Variants in PRR14L observed in about 807,000 individuals in gnomAD.
The protein encoded by PRR14L is protein PRR14L.
A neutral mutation model predicts 155.0 loss-of-function variants in PRR14L; 80 were observed. The observed-to-expected ratio is 0.52, with a 90% CI of 0.43 to 0.62. The LOEUF (loss-of-function observed/expected upper bound fraction) is 0.62. PRR14L is among the 20% of genes least tolerant of loss of function. The pLI is 0.00. For synonymous variants in PRR14L, 883 were observed against 916.0 expected (o/e 0.96, Z 0.65); for missense variants, 2,469 against 2,548.0 (o/e 0.97, Z 0.67).
intron 7 of PRR14L, among the ~76,000 whole-genome samples, chr22:31,700,429 G>A (rs1297993721): frequency 6.6e-6 from 1 of 152,044 alleles, no homozygotes; most frequent in Non-Finnish European, 1.5e-5. Context: ...AAAATACAAC[G>A]TATTAAGATA....
intron 7 of PRR14L, among the ~76,000 whole-genome samples, chr22:31,690,960 T>C (rs1453823593): frequency 6.9e-6 from 1 of 145,176 alleles, no homozygotes; most frequent in Non-Finnish European, 1.5e-5. Context: ...TTTTTTTTCT[T>C]TTCTATTTCT....
intron 1 of PRR14L, among the ~76,000 whole-genome samples, chr22:31,740,866 G>C (rs984257071): frequency 1.3e-5 from 2 of 152,178 alleles, no homozygotes; most frequent in African/African-American, 4.8e-5. Context: ...ATTAGGCTGG[G>C]CGCAGTGGCT....
intron 7 of PRR14L, among the ~76,000 whole-genome samples, chr22:31,690,821 T>C (rs1018179152): frequency 8.6e-5 from 13 of 151,796 alleles, no homozygotes; most frequent in Non-Finnish European, 1.6e-4. Flanking sequence ...TTTGTATTTT[T>C]AGTAGAGACA....
chr22:31,723,737 G>T (rs1458682824), intron 3 of PRR14L, among the ~76,000 whole-genome samples: 1 of 152,216 alleles, frequency 6.6e-6, no homozygotes, highest in East Asian at 1.9e-4. Flanking sequence ...GATAAACTGG[G>T]ACAAATGTCC....
intron 7 of PRR14L, among the ~76,000 whole-genome samples, chr22:31,696,914 A>G (rs2147855128): frequency 6.6e-6 from 1 of 152,312 alleles, no homozygotes; most frequent in Non-Finnish European, 1.5e-5. Flanking sequence ...CAGGAGTTTG[A>G]GACCAGCTTG....
chr22:31,715,592 T>C lies in PRR14L; in HGVS notation c.2247A>G (p.Ser749=), dbSNP rs1041810883. 1.3e-6 allele frequency: 2 copies of C among 1,551,942 alleles called. No homozygotes were observed. Among genetic ancestry groups the C allele is most frequent in the African/African-American group, 2.7e-5 (2 of 73,064 alleles). ...GCCTGGAATGTAGAGCTTTTGTTCC[T>C]GAATCAGCCATTTCCTTTTTTCTCT... ...SLERKKEMAD[S]GTKALHSRLR... The change falls in exon 4 of 9, where the codon TCA becomes TCG. Residue 749 remains serine, a synonymous_variant. Coordinates refer to ENST00000327423, the MANE Select transcript of PRR14L (RefSeq NM_173566.3).
chr22:31,715,753 C>T lies in PRR14L; in HGVS notation c.2086G>A (p.Gly696Ser). The change falls in exon 4 of 9, where the codon GGT (glycine) becomes AGT (serine). Residue 696 changes from glycine to serine, a missense_variant. Coordinates refer to ENST00000327423, the MANE Select transcript of PRR14L (RefSeq NM_173566.3). Reference protein sequence around the residue: ...AHQSHHPPLEGRADVIADIQT... With the variant: ...AHQSHHPPLESRADVIADIQT... ...ATATCAGCAATGACATCTGCTCTAC[C>T]CTCTAATGGAGGGTGATGGCTCTGA... is the stretch of plus-strand genomic sequence containing the variant. The T allele has an allele frequency of 1.9e-6, 3 of 1,551,926 alleles. No individual in the cohort carries two copies. The highest frequency in any genetic ancestry group is 2.0e-5 in the Admixed American group (1 of 50,972).
Position 31,738,562 on chromosome 22 carries a change from C to T in PRR14L, c.299G>A (p.Gly100Glu), listed in dbSNP as rs1014260141. 11 of 1,551,928 alleles carry T rather than the reference C, an allele frequency of 7.1e-6. No individual in the cohort carries two copies. The highest frequency in any genetic ancestry group is 8.7e-6 in the Non-Finnish European group (10 of 1,147,088). The change falls in exon 2 of 9, where the codon GGA becomes GAA. Residue 100 changes from glycine to glutamate, a missense_variant. Transcript: ENST00000327423. ...GRCGLVDSTA[G>E]GSVASGILDR... ...CAAGATCCCAGATGCCACAGAACCT[C>T]CTGCTGTGGAGTCCACTAGCCCACA... is the stretch of plus-strand genomic sequence containing the variant.
At chr22:31,739,030 T>C (rs1047671287) in intron 1 of PRR14L, 119 bp from the exon 2 acceptor site, 1 of 541,096 alleles carries the variant, frequency 1.8e-6, no homozygotes, top group Non-Finnish European at 3.3e-6. Flanking sequence ...GCCAGCATTA[T>C]CTGGCACCAA....
chr22:31,713,493 A>G lies in PRR14L; in HGVS notation c.4346T>C (p.Leu1449Pro). The G allele has an allele frequency of 6.4e-7, 1 of 1,552,050 alleles. No homozygotes were observed. The highest frequency in any genetic ancestry group is 1.4e-5 in the African/African-American group (1 of 73,152). ...DESTMINEIT[L>P]AKLAKDSIVA... ...AATGCTGTCCTTGGCCAGCTTTGCT[A>G]GGGTGATTTCATTGATCATGGTGGA... The change falls in exon 4 of 9, where the codon CTA becomes CCA. Residue 1449 changes from leucine to proline, a missense_variant. By Grantham distance (98) the Leu-to-Pro change is moderately conservative. Coordinates refer to ENST00000327423, the MANE Select transcript of PRR14L (RefSeq NM_173566.3).
At chr22:31,738,012 T>TAA (rs34019627) in intron 2 of PRR14L, among the ~76,000 whole-genome samples, 1 of 136,458 alleles carries the variant, frequency 7.3e-6, no homozygotes, top group African/African-American at 2.7e-5. Context: ...GAGACCTTCT[T>TAA]AAAAAAAAAA....
intron 2 of PRR14L, among the ~76,000 whole-genome samples, chr22:31,735,586 T>C (rs1349210901): frequency 3.3e-5 from 5 of 151,328 alleles, no homozygotes; most frequent in Admixed American, 1.3e-4. Flanking sequence ...CATGCTTTTA[T>C]ATCAAACATT....
At chr22:31,746,273 T>C (rs1214612234) in intron 1 of PRR14L, among the ~76,000 whole-genome samples, 2 of 152,206 alleles carry the variant, frequency 1.3e-5, no homozygotes, top group Admixed American at 1.3e-4. Context: ...TGTCTAACCA[T>C]TATTTCTCAA....
In PRR14L at chr22:31,688,136, T is replaced by A; in HGVS notation, c.6179+20A>T. 6.3e-7 allele frequency: 1 copy of A among 1,594,314 alleles called. No homozygotes were observed. The highest frequency in any genetic ancestry group is 8.5e-7 in the Non-Finnish European group (1 of 1,171,574). ...TCATTTCAAATTCTTCCCTTTTATTTCCCAGCTATAAGTACCTACCTGTTT... is the reference window on the plus strand; with the variant it reads ...TCATTTCAAATTCTTCCCTTTTATTACCCAGCTATAAGTACCTACCTGTTT... On this transcript the variant is annotated intron_variant, in intron 8 of 8. Transcript: ENST00000327423.
intron 4 of PRR14L, among the ~76,000 whole-genome samples, chr22:31,709,533 GTTTTTTTTTTTTTT>G (rs35320368): frequency 2.3e-5 from 2 of 88,546 alleles, no homozygotes; most frequent in Non-Finnish European, 4.4e-5. Context: ...CGCCTGTGGG[GTTTTTTTTTTTTTT>G]TTTTTTTTTT....
chr22:31,733,923 T>TACACCACACAAACACAC (rs1412353994), intron 2 of PRR14L, among the ~76,000 whole-genome samples: 17 of 149,634 alleles, frequency 1.1e-4, no homozygotes, highest in African/African-American at 4.2e-4. Flanking sequence ...CACACACACA[T>TACACCACACAAACACAC]ACACCACACA....
chr22:31,681,843 T>C lies in PRR14L; in HGVS notation c.*3684A>G, dbSNP rs1466955148. 1.3e-5 allele frequency: 2 copies of C among 152,188 alleles called. No individual in the cohort carries two copies. Among genetic ancestry groups the C allele is most frequent in the African/African-American group, 4.8e-5 (2 of 41,450 alleles). The allele number at this position is 152,188 out of a possible 1,614,324, so 9.4% of individuals were successfully genotyped here. A position where few individuals can be genotyped will look rare whatever the true frequency, so the allele number is the denominator to read the frequency against. The stretch of plus-strand genomic sequence containing the variant: ...TTTCTGACACGAATCCAGGAAAGGA[T>C]ACTCTGCACTTCTGGCCAATTATTT... On this transcript the variant is annotated 3_prime_UTR_variant, in exon 9 of 9. Transcript: ENST00000327423.
chr22:31,729,810 A>G (rs954163773), intron 2 of PRR14L, among the ~76,000 whole-genome samples: 4 of 152,096 alleles, frequency 2.6e-5, no homozygotes, highest in Non-Finnish European at 5.9e-5. Flanking sequence ...TTGGGATGAT[A>G]AGAAAAGTTC....
At chr22:31,692,207 T>C (rs574035676) in intron 7 of PRR14L, among the ~76,000 whole-genome samples, 37 of 152,262 alleles carry the variant, frequency 2.4e-4, no homozygotes, top group African/African-American at 8.4e-4. Flanking sequence ...GAAGAATTGT[T>C]GGGTCATATG....
Sources: allele counts gnomAD v4.1 joint callset (sites outside exome capture counted in the v4.1 genomes callset), GRCh38; gene constraint gnomAD v4.1.1; transcripts MANE v1.5; gene names NCBI Gene and HGNC (gene_info 2026-07-23, HGNC 2026-07-21).